TSPAN9: variants seen among roughly 807,000 people sequenced by gnomAD.
TSPAN9 encodes the protein tetraspanin-9.
In TSPAN9, 16 loss-of-function variants were observed where a neutral mutation model predicts 31.0. That is an observed-to-expected ratio of 0.52 (90% confidence interval 0.35 to 0.78). The LOEUF is 0.78. TSPAN9 is among the 30% of genes least tolerant of loss of function. The pLI, the probability that TSPAN9 is intolerant of heterozygous loss-of-function variation, is 0.01. For missense variants in TSPAN9, 272 were observed against 312.5 expected (o/e 0.87, Z 0.98); for synonymous variants, 145 against 121.6 (o/e 1.19, Z -1.27).
At chr12:3,161,620 G>C (rs1376703089) in intron 2 of TSPAN9, among the ~76,000 whole-genome samples, 4 of 152,194 alleles carry the variant, frequency 2.6e-5, no homozygotes, top group African/African-American at 9.6e-5. Flanking sequence ...TTTCCTGCTG[G>C]AAGAGCACCA....
At position 3,165,556 on chromosome 12, in the gene TSPAN9, C is replaced by T. The variant is rs1312030013; in HGVS notation, c.-17-35621C>T. Reference sequence around the variant, plus strand: ...AGTGAGTTCTGTTGCTGCCGCCGTACTGCAAGGCGAGGGTCACGGAGTGTT... The same window carrying T: ...AGTGAGTTCTGTTGCTGCCGCCGTATTGCAAGGCGAGGGTCACGGAGTGTT... On this transcript the variant is annotated intron_variant, in intron 2 of 8. Transcript: ENST00000011898. Among the ~76,000 whole-genome samples, 3 of 152,286 alleles carry T rather than the reference C, an allele frequency of 2.0e-5. No homozygotes were observed. The East Asian group carries it at 5.8e-4, about 29-fold the overall frequency.
At chr12:3,092,585 C>A (rs546230812) in intron 2 of TSPAN9, among the ~76,000 whole-genome samples, 11 of 152,268 alleles carry the variant, frequency 7.2e-5, no homozygotes, top group East Asian at 1.9e-4. Flanking sequence ...CAGCCAGAGC[C>A]CCCTGAGAGG....
In TSPAN9 at chr12:3,284,253, C is replaced by T. The variant is rs12827449; in HGVS notation, c.*1137C>T. On this transcript the variant is annotated 3_prime_UTR_variant, in exon 9 of 9. Coordinates refer to ENST00000011898, the MANE Select transcript of TSPAN9 (RefSeq NM_006675.5). Reference sequence around the variant, plus strand: ...TCTAGTTCGGATGCTGCTCACTTTCCCCCTTGCTTCTGGAAGGGGAAGCAG... The same window carrying T: ...TCTAGTTCGGATGCTGCTCACTTTCTCCCTTGCTTCTGGAAGGGGAAGCAG... 0.54 allele frequency: 82,268 copies of T among 152,436 alleles called. 22,881 individuals are homozygous for T. Among genetic ancestry groups the T allele is most frequent in the South Asian group, 0.64 (3,111 of 4,826 alleles). 9.4% of individuals were successfully genotyped at this position (152,436 alleles called of 1,614,324 possible).
chr12:3,282,857 G>C (rs1303810125), intron 8 of TSPAN9, among the ~76,000 whole-genome samples, 188 bp from the exon 9 acceptor site: 1 of 152,238 alleles, frequency 6.6e-6, no homozygotes, highest in Non-Finnish European at 1.5e-5. Flanking sequence ...GAGTTCACCT[G>C]TGTGTGTCTC....
At chr12:3,125,681 C>T (rs1270380925) in intron 2 of TSPAN9, among the ~76,000 whole-genome samples, 1 of 151,984 alleles carries the variant, frequency 6.6e-6, no homozygotes, top group Non-Finnish European at 1.5e-5. Context: ...ATTTGCGACT[C>T]CTGCCTTAAA....
chr12:3,246,217 G>A (rs631882), intron 3 of TSPAN9, among the ~76,000 whole-genome samples: 103,970 of 151,242 alleles, frequency 0.69, 40,569 homozygotes, highest in Non-Finnish European at 0.88. Flanking sequence ...ACTTTCAAAC[G>A]ACCCAGTCTT....
At chr12:3,231,155 C>T (rs11062585) in intron 3 of TSPAN9, among the ~76,000 whole-genome samples, 14,164 of 151,944 alleles carry the variant, frequency 0.093, 720 homozygotes, top group Middle Eastern at 0.14. Flanking sequence ...TTCTTTCTTT[C>T]TACCCTGTGG....
intron 2 of TSPAN9, among the ~76,000 whole-genome samples, chr12:3,154,504 A>G (rs1565595175): frequency 1.3e-5 from 2 of 152,156 alleles, no homozygotes; most frequent in South Asian, 2.1e-4. Context: ...ATTATATTCA[A>G]TCAACTTTAT....
rs1231009514 is a variant in TSPAN9, at chr12:3,145,843, A to G, written c.-17-55334A>G. 1.4e-4 allele frequency among the ~76,000 whole-genome samples: 21 copies of G among 152,236 alleles called. 1 individual carries two copies. Among genetic ancestry groups the G allele is most frequent in the Admixed American group, 1.4e-3 (21 of 15,282 alleles). ...TGAAAGGCCTGGCGTGGTGGCCAGC[A>G]AAACCTCCTCCTGGTGCAGTGTTCC... On this transcript the variant is annotated intron_variant, in intron 2 of 8. Transcript: ENST00000011898.
chr12:3,275,834 C>G (rs1045723305), intron 3 of TSPAN9, among the ~76,000 whole-genome samples: 31 of 152,248 alleles, frequency 2.0e-4, no homozygotes, highest in African/African-American at 7.2e-4. Flanking sequence ...TTCGGACCCC[C>G]CTGCAGCTCC....
Position 3,127,481 on chromosome 12 carries a change from G to A in TSPAN9, c.-18+43762G>A, listed in dbSNP as rs186103432. The stretch of plus-strand genomic sequence containing the variant: ...CGCCATTCTCCTGCCTCAGCCTCCC[G>A]AGCAGCTGGGACTACAGGCGCCTGC... On this transcript the variant is annotated intron_variant, in intron 2 of 8. Transcript: ENST00000011898. 3.3e-3 allele frequency among the ~76,000 whole-genome samples: 502 copies of A among 151,592 alleles called. 5 individuals are homozygous for A. The highest frequency in any genetic ancestry group is 0.012 in the African/African-American group (480 of 41,276).
At chr12:3,122,441 C>T (rs1308204159) in intron 2 of TSPAN9, among the ~76,000 whole-genome samples, 2 of 152,004 alleles carry the variant, frequency 1.3e-5, no homozygotes, top group Non-Finnish European at 2.9e-5. Context: ...CACCACCATG[C>T]TTGGCAAATT....
At chr12:3,177,294 T>C (rs1008390283) in intron 2 of TSPAN9, among the ~76,000 whole-genome samples, 2 of 151,918 alleles carry the variant, frequency 1.3e-5, no homozygotes, top group African/African-American at 2.4e-5. Flanking sequence ...CCTGCCACCA[T>C]GCCCAGCTAA....
chr12:3,264,925 C>T (rs1013831936), intron 3 of TSPAN9, among the ~76,000 whole-genome samples: 2 of 152,210 alleles, frequency 1.3e-5, no homozygotes, highest in East Asian at 1.9e-4. Flanking sequence ...CTACCTGGAC[C>T]CAAGGCCAGA....
At chr12:3,254,415 G>C (rs139597737) in intron 3 of TSPAN9, among the ~76,000 whole-genome samples, 1 of 152,164 alleles carries the variant, frequency 6.6e-6, no homozygotes, top group Non-Finnish European at 1.5e-5. Context: ...AAATGGACGC[G>C]AGTGCCCAGC....
chr12:3,161,422 G>C (rs2098345126), intron 2 of TSPAN9, among the ~76,000 whole-genome samples: 1 of 152,106 alleles, frequency 6.6e-6, no homozygotes, highest in Non-Finnish European at 1.5e-5. Flanking sequence ...TTTGTGTATG[G>C]TGTGAGGTAG....
chr12:3,226,740 GTGTGTATATATATATATATATA>G lies in TSPAN9; in HGVS notation c.63+25486_63+25507del, dbSNP rs2098387678. Among the ~76,000 whole-genome samples, 118 of 13,150 alleles carry G rather than the reference GTGTGTATATATATATATATATA, an allele frequency of 9.0e-3. 28 individuals are homozygous for G. Among genetic ancestry groups the G allele is most frequent in the Non-Finnish European group, 0.012 (87 of 7,410 alleles). 8.6% of individuals were successfully genotyped at this position (13,150 alleles called of 152,430 possible). ...TGTATGTGTGTGTGTGTGTGTGTGT[GTGTGTATATATATATATATATA>G]TATATATATATATATATATATATAT... On this transcript the variant is annotated intron_variant, in intron 3 of 8. Coordinates refer to ENST00000011898, the MANE Select transcript of TSPAN9 (RefSeq NM_006675.5).
At chr12:3,199,132 A>G (rs1213887147) in intron 2 of TSPAN9, among the ~76,000 whole-genome samples, 2 of 152,192 alleles carry the variant, frequency 1.3e-5, no homozygotes, top group Non-Finnish European at 2.9e-5. Context: ...ACACAGTTCT[A>G]GGTGTGACAT....
intron 2 of TSPAN9, among the ~76,000 whole-genome samples, chr12:3,088,428 C>T (rs1293429856): frequency 7.1e-6 from 1 of 140,886 alleles, no homozygotes; most frequent in Admixed American, 7.0e-5. Context: ...CTTCCACTGA[C>T]TTGCTGCTGG....
Sources: gnomAD v4.1 joint callset for allele counts (sites outside exome capture counted in the v4.1 genomes callset) on GRCh38, gnomAD v4.1.1 for gene constraint, MANE v1.5 for transcripts, NCBI Gene and HGNC (gene_info 2026-07-23, HGNC 2026-07-21) for gene names.